Variants in DOCK9 observed in about 807,000 individuals in gnomAD.
DOCK9 encodes the protein dedicator of cytokinesis 9, also known as dedicator of cytokinesis protein 9.
Under a neutral mutation model 263.3 loss-of-function variants are expected in DOCK9, and 89 were observed. The observed-to-expected ratio is 0.34, with a 90% CI of 0.28 to 0.40. DOCK9 has a LOEUF of 0.40. Ranked by LOEUF, DOCK9 falls within the 10% of genes least tolerant of loss-of-function variation. DOCK9 has a pLI of 1.00. For missense variants in DOCK9, 2,140 were observed against 2,603.4 expected, an observed-to-expected ratio of 0.82 and a Z score of 3.87; for synonymous variants, 976 against 973.1, an observed-to-expected ratio of 1.00 and a Z score of -0.06.
chr13:98,928,153 C>T (rs1297067398), intron 3 of DOCK9, among the ~76,000 whole-genome samples: 2 of 152,180 alleles, frequency 1.3e-5, no homozygotes, highest in Non-Finnish European at 2.9e-5. Flanking sequence ...AAGCAACCCC[C>T]ACCCCTCTGG....
intron 1 of DOCK9, among the ~76,000 whole-genome samples, chr13:98,999,549 G>A (rs1881867470): frequency 2.0e-5 from 3 of 152,186 alleles, no homozygotes; most frequent in Admixed American, 2.0e-4. Flanking sequence ...TTGCAGGACA[G>A]ACAACATAAA....
At chr13:98,884,435 A>G (rs1385119624) in intron 21 of DOCK9, among the ~76,000 whole-genome samples, 1 of 152,270 alleles carries the variant, frequency 6.6e-6, no homozygotes, top group Admixed American at 6.5e-5. Context: ...AGACAAACAT[A>G]AAAAGAACAG....
rs548935338 is a variant in DOCK9 at position 98,848,542 on chromosome 13, C to T, written c.4061+50G>A. On this transcript the variant is annotated intron_variant, in intron 37 of 52. Transcript: ENST00000682017. ...GATGACCAATCCCACACAATCAGAG[C>T]CAGGCATCACAGAAAACAACACGTT... is the stretch of plus-strand genomic sequence containing the variant. 13 of 1,578,546 alleles carry T rather than the reference C, an allele frequency of 8.2e-6. 1 individual carries two copies. In the South Asian group the frequency reaches 1.0e-4, roughly 13 times the overall value.
rs750455689 is a variant in DOCK9, at chr13:98,800,358, T to C, written c.5846A>G (p.Gln1949Arg). 6.2e-7 allele frequency: 1 copy of C among 1,613,630 alleles called. No individual in the cohort carries two copies. The highest frequency in any genetic ancestry group is 8.5e-7 in the Non-Finnish European group (1 of 1,179,770). ...EMSKKVAELR[Q>R]LCSSAEVDMI... ...GTCCACCTCGGCCGAGGAGCACAGC[T>C]GCCGGAGCTCCGCCACCTTCTTACT... Residue 1949 changes from glutamine to arginine, a missense_variant, in exon 50 of 53, where the codon CAG becomes CGG. This residue lies in a region of DOCK9 where 619 missense variants were observed against 861.8 expected (regional missense o/e 0.72). Transcript: ENST00000682017.
chr13:99,038,762 T>C (rs765851741), intron 1 of DOCK9, among the ~76,000 whole-genome samples: 1 of 152,200 alleles, frequency 6.6e-6, no homozygotes, highest in East Asian at 1.9e-4. Flanking sequence ...CCTGTGCACA[T>C]GTGTATTCTT....
intron 1 of DOCK9, among the ~76,000 whole-genome samples, chr13:98,975,472 TACAC>T (rs146581245): frequency 0.041 from 5,863 of 142,468 alleles, 178 homozygotes; most frequent in Admixed American, 0.086. Context: ...TCTAAACACA[TACAC>T]ACACACACAC....
intron 1 of DOCK9, among the ~76,000 whole-genome samples, chr13:98,989,346 G>GATGATAATA (rs1357152750): frequency 1.6e-3 from 95 of 60,050 alleles, no homozygotes; most frequent in Middle Eastern, 8.9e-3. Context: ...TGATGATGAT[G>GATGATAATA]ATAATAATAA....
chr13:98,931,376 G>T (rs2140302280), intron 2 of DOCK9, among the ~76,000 whole-genome samples: 1 of 151,658 alleles, frequency 6.6e-6, no homozygotes, highest in East Asian at 1.9e-4. Context: ...TCAGCTCACT[G>T]CCAGCTCCGC....
chr13:98,869,053 T>C (rs761866965), intron 27 of DOCK9, among the ~76,000 whole-genome samples: 2 of 152,340 alleles, frequency 1.3e-5, no homozygotes, highest in East Asian at 1.9e-4. Context: ...CTGATGCCTG[T>C]ACCTCTCAGA....
At chr13:98,861,944 G>A (rs1046070850) in intron 32 of DOCK9, among the ~76,000 whole-genome samples, 1 of 152,194 alleles carries the variant, frequency 6.6e-6, no homozygotes, top group Non-Finnish European at 1.5e-5. Flanking sequence ...GCCCACAGAG[G>A]TGGCCTTTCT....
At chr13:99,027,607 G>T (rs1161630233) in intron 1 of DOCK9, among the ~76,000 whole-genome samples, 1 of 152,178 alleles carries the variant, frequency 6.6e-6, no homozygotes, top group Non-Finnish European at 1.5e-5. Flanking sequence ...GAAACTCATT[G>T]TAAGTCATGA....
At chr13:98,867,756 G>A (rs1278544195) in intron 29 of DOCK9, among the ~76,000 whole-genome samples, 172 bp downstream of exon 29, 3 of 151,858 alleles carry the variant, frequency 2.0e-5, no homozygotes, top group Non-Finnish European at 4.4e-5. Flanking sequence ...TGATTTTTAG[G>A]GCTCCTCCTA....
chr13:98,809,283 TTTTTTG>T (rs757772126), intron 47 of DOCK9, 63 bp downstream of exon 47: 36 of 534,632 alleles, frequency 6.7e-5, no homozygotes, highest in Middle Eastern at 3.7e-4. Context: ...TTATAGTTTT[TTTTTTG>T]TTTTTGTTTT....
intron 1 of DOCK9, among the ~76,000 whole-genome samples, chr13:99,008,230 A>ATTTTT (rs1177982728): frequency 1.7e-5 from 2 of 114,414 alleles, no homozygotes; most frequent in African/African-American, 3.4e-5. Flanking sequence ...ATATATATAT[A>ATTTTT]TATATTTTTT....
intron 3 of DOCK9, among the ~76,000 whole-genome samples, chr13:98,926,230 A>T (rs1461840146): frequency 2.0e-5 from 3 of 152,222 alleles, no homozygotes; most frequent in Non-Finnish European, 4.4e-5. Flanking sequence ...ATTTCAGAGT[A>T]AGCACCTGGT....
At chr13:99,078,738 A>G (rs1454373532) in intron 1 of DOCK9, among the ~76,000 whole-genome samples, 1 of 152,244 alleles carries the variant, frequency 6.6e-6, no homozygotes, top group Non-Finnish European at 1.5e-5. Flanking sequence ...TACAACAGGA[A>G]GAAAAAGAAC....
intron 2 of DOCK9, among the ~76,000 whole-genome samples, chr13:98,937,680 G>A (rs2055110698): frequency 6.7e-6 from 1 of 149,604 alleles, no homozygotes; most frequent in African/African-American, 2.5e-5. Context: ...GAGAGCCCCA[G>A]TCTCAATATT....
In DOCK9 at chr13:98,914,456, G is replaced by A. The variant is rs940424977; in HGVS notation, c.893-61C>T. 4.1e-6 allele frequency: 6 copies of A among 1,458,416 alleles called. No homozygotes were observed. The African/African-American group carries it at 8.4e-5, about 20-fold the overall frequency. 90.3% of individuals were successfully genotyped at this position (1,458,416 alleles called of 1,614,324 possible). ...AATTCATAGCATTTCATTTGAAACA[G>A]GAGGAGGAAGGCCGTTTCTCTTAGG... On this transcript the variant is annotated intron_variant, in intron 8 of 52. Coordinates refer to ENST00000682017, the MANE Select transcript of DOCK9 (RefSeq NM_001366683.2).
intron 30 of DOCK9, among the ~76,000 whole-genome samples, chr13:98,865,297 C>A (rs2093990315): frequency 6.6e-6 from 1 of 152,084 alleles, no homozygotes; most frequent in South Asian, 2.1e-4. Context: ...ATCTCGAACT[C>A]CTAGGCTCAA....
Sources: gnomAD v4.1 joint callset for allele counts (sites outside exome capture counted in the v4.1 genomes callset) on GRCh38, gnomAD v4.1.1 for gene constraint, gnomAD v4.1.1 regional missense constraint, MANE v1.5 for transcripts, NCBI Gene and HGNC (gene_info 2026-07-23, HGNC 2026-07-21) for gene names.